The following CPSF2 variants were observed in gnomAD, a reference collection of about 807,000 sequenced individuals.
The protein encoded by CPSF2 is cleavage and polyadenylation specific factor 2, also known as cleavage and polyadenylation specificity factor subunit 2.
In CPSF2, 51 loss-of-function variants were observed where a neutral mutation model predicts 84.2. That is an observed-to-expected ratio of 0.61 (90% CI 0.48 to 0.77). The LOEUF is 0.77. Among genes scored for constraint, CPSF2 ranks in the 30% least tolerant of loss-of-function variants. CPSF2 has a pLI of 0.00. For missense variants in CPSF2, 641 were observed against 929.4 expected (o/e 0.69, Z 4.03); for synonymous variants, 286 against 311.9 (o/e 0.92, Z 0.87).
At chr14:92,141,214 A>T (rs968060269) in intron 7 of CPSF2, among the ~76,000 whole-genome samples, 8 of 152,330 alleles carry the variant, frequency 5.3e-5, no homozygotes, top group Non-Finnish European at 1.0e-4. Context: ...TAGTTTAAAA[A>T]ATATAAGTAA....
chr14:92,156,313 T>C (rs966706943), intron 11 of CPSF2, among the ~76,000 whole-genome samples, 166 bp from the exon 12 acceptor site: 1 of 151,972 alleles, frequency 6.6e-6, no homozygotes, highest in African/African-American at 2.4e-5. Context: ...ACGCAATACA[T>C]ACAGCCATCT....
intron 2 of CPSF2, among the ~76,000 whole-genome samples, chr14:92,130,649 A>C (rs922443707): frequency 1.3e-5 from 2 of 152,222 alleles, no homozygotes; most frequent in Non-Finnish European, 2.9e-5. Flanking sequence ...ATCACATAGA[A>C]GTAGATTCAT....
chr14:92,164,083 CT>C lies in CPSF2; in HGVS notation c.*2340del, dbSNP rs1223433622. On this transcript the variant is annotated 3_prime_UTR_variant, in exon 16 of 16. Coordinates refer to ENST00000298875, the MANE Select transcript of CPSF2 (RefSeq NM_017437.3). ...TTCCCCCTTTGCTTGGCACTTCTTC[CT>C]GCTGCCATGTGAAGAAGGATGTGTT... 6.5e-6 allele frequency: 1 copy of C among 153,684 alleles called. No homozygotes were observed. The highest frequency in any genetic ancestry group is 1.4e-5 in the Non-Finnish European group (1 of 69,250). The allele number at this position is 153,684 out of a possible 1,614,324, so 9.5% of individuals were successfully genotyped here.
At chr14:92,161,590 A>G in intron 15 of CPSF2, 62 bp from the exon 16 acceptor site, 2 of 1,174,552 alleles carry the variant, frequency 1.7e-6, no homozygotes, top group South Asian at 1.4e-5. Context: ...TATTTCGGTT[A>G]TTATGTCTGC....
In CPSF2 at chr14:92,161,174, C is replaced by G. The variant is rs138681141; in HGVS notation, c.2184C>G (p.Leu728=). 6.2e-7 allele frequency: 1 copy of G among 1,613,760 alleles called. No individual in the cohort carries two copies. The highest frequency in any genetic ancestry group is 1.3e-5 in the African/African-American group (1 of 74,898). Residue 728 remains leucine (L), a synonymous_variant, in exon 15 of 16, where the codon CTC becomes CTG. Transcript: ENST00000298875. ...GGCTGTCAGACTTCAAGCAAGTTCTCTTACGGGAGGGGATTCAAGCTGAAT... is the reference window on the plus strand; with the variant it reads ...GGCTGTCAGACTTCAAGCAAGTTCTGTTACGGGAGGGGATTCAAGCTGAAT... ...EPRLSDFKQV[L]LREGIQAEFV...
intron 7 of CPSF2, 21 bp from the exon 8 acceptor site, chr14:92,142,143 T>C (rs368217294): frequency 7.0e-6 from 11 of 1,565,310 alleles, no homozygotes; most frequent in Non-Finnish European, 9.6e-6. Context: ...TCTATGGGGA[T>C]TTTACATTCT....
chr14:92,124,763 G>T (rs1595047304), intron 1 of CPSF2, among the ~76,000 whole-genome samples: 1 of 152,146 alleles, frequency 6.6e-6, no homozygotes, highest in East Asian at 1.9e-4. Context: ...ATATGAAAAT[G>T]TAAAATATTC....
chr14:92,133,966 C>G, intron 3 of CPSF2, 45 bp from the exon 4 acceptor site: 5 of 1,600,600 alleles, frequency 3.1e-6, no homozygotes, highest in Non-Finnish European at 4.3e-6. Context: ...TGTCTTTACC[C>G]TTAAAAAGAT....
chr14:92,133,671 G>A (rs975593628), intron 3 of CPSF2, among the ~76,000 whole-genome samples: 1 of 134,992 alleles, frequency 7.4e-6, no homozygotes, highest in Non-Finnish European at 1.6e-5. Flanking sequence ...TTGCCATGTT[G>A]CCCAGGCTGA....
intron 7 of CPSF2, among the ~76,000 whole-genome samples, chr14:92,139,950 ATTTTT>A (rs34354391): frequency 2.0e-5 from 2 of 97,634 alleles, no homozygotes; most frequent in African/African-American, 4.0e-5. Context: ...AAGTACAACT[ATTTTT>A]TTTTTTTTTT....
chr14:92,156,056 G>A (rs1422985773), intron 11 of CPSF2, among the ~76,000 whole-genome samples: 1 of 152,168 alleles, frequency 6.6e-6, no homozygotes, highest in African/African-American at 2.4e-5. Flanking sequence ...TTGGGAGGCC[G>A]AGGCAGGTGG....
chr14:92,146,171 A>G (rs1321394532), intron 9 of CPSF2, among the ~76,000 whole-genome samples: 1 of 152,232 alleles, frequency 6.6e-6, no homozygotes, highest in African/African-American at 2.4e-5. Context: ...GAGAAATAGA[A>G]TATTTCTGTG....
At position 92,161,959 on chromosome 14, in the gene CPSF2, A is replaced by AC. The variant is rs2069379764; in HGVS notation, c.*216dup. Reference sequence around the variant, plus strand: ...GGCTTTCAGAGTGATAGAGCTCCTAACAGGTGTACAGGCCCAAGAGTTGAA... The same window carrying AC: ...GGCTTTCAGAGTGATAGAGCTCCTAACCAGGTGTACAGGCCCAAGAGTTGAA... On this transcript the variant is annotated 3_prime_UTR_variant, in exon 16 of 16. Coordinates refer to ENST00000298875, the MANE Select transcript of CPSF2 (RefSeq NM_017437.3). 3 of 398,896 alleles carry AC rather than the reference A, an allele frequency of 7.5e-6. No homozygotes were observed. Among genetic ancestry groups the AC allele is most frequent in the Non-Finnish European group, 1.3e-5 (3 of 226,776 alleles). The allele number at this position is 398,896 out of a possible 1,614,324, so 24.7% of individuals were successfully genotyped here.
intron 2 of CPSF2, among the ~76,000 whole-genome samples, chr14:92,130,143 T>A (rs2068897278): frequency 6.6e-6 from 1 of 152,230 alleles, no homozygotes; most frequent in Non-Finnish European, 1.5e-5. Flanking sequence ...CATCAGGTTC[T>A]ATTTAGGGAG....
At chr14:92,152,476 T>C (rs576171666) in intron 9 of CPSF2, among the ~76,000 whole-genome samples, 3 of 151,666 alleles carry the variant, frequency 2.0e-5, no homozygotes, top group Admixed American at 6.6e-5. Flanking sequence ...TCTCACTCTG[T>C]TGTCCAAGCT....
intron 7 of CPSF2, among the ~76,000 whole-genome samples, chr14:92,140,495 C>A (rs1461657349): frequency 2.0e-5 from 3 of 147,188 alleles, no homozygotes; most frequent in African/African-American, 7.6e-5. Flanking sequence ...TGCAGTGGCG[C>A]GATCTCGGCT....
In CPSF2 at chr14:92,142,304, C is replaced by T; in HGVS notation, c.802C>T (p.Leu268Phe). Residue 268 changes from leucine (L) to phenylalanine (F), a missense_variant, in exon 8 of 16, where the codon CTC becomes TTC. By Grantham distance (22) the Leu-to-Phe change is conservative. Transcript: ENST00000298875. ...AGGATTGGGTGTTTACTCATTGGCA[C>T]TCCTAAATAATGTCAGTTACAATGT... ...DAGLGVYSLA[L>F]LNNVSYNVVE... is the part of the protein sequence containing the mutation. The T allele has an allele frequency of 1.2e-6, 2 of 1,613,784 alleles. No homozygotes were observed. The highest frequency in any genetic ancestry group is 1.1e-5 in the South Asian group (1 of 91,046).
In CPSF2 at chr14:92,162,226, A is replaced by ATG. The variant is rs1167479536; in HGVS notation, c.*483_*484dup. 1 of 152,696 alleles carries ATG rather than the reference A, an allele frequency of 6.5e-6. No homozygotes were observed. The highest frequency in any genetic ancestry group is 2.4e-5 in the African/African-American group (1 of 41,412). 9.5% of individuals were successfully genotyped at this position (152,696 alleles called of 1,614,324 possible). On this transcript the variant is annotated 3_prime_UTR_variant, in exon 16 of 16. Coordinates refer to ENST00000298875, the MANE Select transcript of CPSF2 (RefSeq NM_017437.3). ...ACTTACTTTTAAAAGCATACGTGCT[A>ATG]TGACTCTCTCCAGTTTGAATATGCA... is the stretch of plus-strand genomic sequence containing the variant.
intron 6 of CPSF2, among the ~76,000 whole-genome samples, chr14:92,137,496 A>C (rs928740890): frequency 2.6e-5 from 4 of 152,224 alleles, no homozygotes; most frequent in Admixed American, 1.3e-4. Flanking sequence ...GGCATGAGCC[A>C]CTGCACTAGT....
Sources: gnomAD v4.1 joint callset for allele counts (sites outside exome capture counted in the v4.1 genomes callset) on GRCh38, gnomAD v4.1.1 for gene constraint, MANE v1.5 for transcripts, NCBI Gene and HGNC (gene_info 2026-07-23, HGNC 2026-07-21) for gene names.